SH3D21: variants seen among roughly 807,000 people sequenced by gnomAD.
SH3D21 encodes the protein SH3 domain-containing protein 21.
A neutral mutation model predicts 82.1 loss-of-function variants in SH3D21; 83 were observed. The observed-to-expected ratio is 1.01, with a 90% CI of 0.85 to 1.21. The LOEUF (loss-of-function observed/expected upper bound fraction) is 1.21, where lower values mean the gene tolerates loss of function less well. SH3D21 is among the 50% of genes most tolerant of loss of function. The pLI is 0.00. For synonymous variants in SH3D21, 383 were observed against 387.8 expected (o/e 0.99, Z 0.15); for missense variants, 980 against 962.1 (o/e 1.02, Z -0.25).
In SH3D21 at chr1:36,320,291, C is replaced by CA; in HGVS notation, c.1629dup (p.Glu544ArgfsTer13). Reference sequence around the variant, plus strand: ...GCACCCCCACCCCAGCCTCCTTCCTCAGAGAGGTGCCTGGGAGAGATGAAA... The same window carrying CA: ...GCACCCCCACCCCAGCCTCCTTCCTCAAGAGAGGTGCCTGGGAGAGATGAAA... On this transcript the variant is annotated frameshift_variant, in exon 14 of 16. Coordinates refer to ENST00000453908, the MANE Select transcript of SH3D21 (RefSeq NM_001162530.2). LOFTEE classifies it high-confidence loss of function. 3.7e-6 allele frequency: 6 copies of CA among 1,612,620 alleles called. No homozygotes were observed. The highest frequency in any genetic ancestry group is 5.1e-6 in the Non-Finnish European group (6 of 1,179,740).
chr1:36,308,552 G>C, intron 9 of SH3D21, 77 bp downstream of exon 9: 1 of 1,190,926 alleles, frequency 8.4e-7, no homozygotes, highest in African/African-American at 1.5e-5. Context: ...GGCACTCTCC[G>C]GACCTAGCTG....
chr1:36,315,365 G>A (rs186459321), intron 10 of SH3D21, among the ~76,000 whole-genome samples: 5 of 151,660 alleles, frequency 3.3e-5, no homozygotes, highest in Admixed American at 6.6e-5. Flanking sequence ...TTTCTTTTGC[G>A]GGGGGAAGGA....
downstream of SH3D21, chr1:36,322,330 C>T: frequency 1.3e-6 from 2 of 1,566,716 alleles, no homozygotes; most frequent in South Asian, 2.3e-5. Flanking sequence ...GTGCCCGTGG[C>T]CGTGGGGCTG....
intron 10 of SH3D21, among the ~76,000 whole-genome samples, chr1:36,309,999 G>C (rs1256781299): frequency 2.0e-5 from 3 of 152,046 alleles, no homozygotes; most frequent in Admixed American, 1.3e-4. Flanking sequence ...CTGTCGCCCA[G>C]ACTGGAGTGC....
At chr1:36,322,568 G>A (rs910186004), downstream of SH3D21, 2 of 1,588,330 alleles carry the variant, frequency 1.3e-6, no homozygotes, top group African/African-American at 1.3e-5. Flanking sequence ...CGTCGTCCTC[G>A]GGCTCCAGGG....
downstream of SH3D21, chr1:36,322,581 C>T: frequency 6.3e-7 from 1 of 1,578,694 alleles, no homozygotes; most frequent in Non-Finnish European, 8.6e-7. Context: ...CTCCAGGGTG[C>T]TGCTGCGGGG....
downstream of SH3D21, chr1:36,321,852 C>T: frequency 9.8e-7 from 1 of 1,022,836 alleles, no homozygotes; most frequent in Non-Finnish European, 1.2e-6. This position sits in a 1 kb window ranked among gnomAD's most constrained non-coding sequence, Gnocchi z 6.1. Context: ...GGCCTGTGGG[C>T]TTCTGCTTTT....
At chr1:36,310,927 G>A (rs1646227210) in intron 10 of SH3D21, among the ~76,000 whole-genome samples, 1 of 151,520 alleles carries the variant, frequency 6.6e-6, no homozygotes. Flanking sequence ...TTTTTTTATG[G>A]AGACAGAGTC....
At chr1:36,324,710 A>G (rs1355162867), downstream of SH3D21, 6 of 152,190 alleles carry the variant, frequency 3.9e-5, no homozygotes, top group Non-Finnish European at 5.9e-5. Flanking sequence ...ACTGACTCCT[A>G]TGGGGATGGA....
chr1:36,308,085 G>A (rs572157528), intron 7 of SH3D21, 24 bp from the exon 8 acceptor site: 6 of 1,545,370 alleles, frequency 3.9e-6, no homozygotes, highest in South Asian at 1.2e-5. Context: ...GGCTTCAGAG[G>A]ACAGTGGACT....
At position 36,321,250 on chromosome 1, in the gene SH3D21, T is replaced by A; in HGVS notation, c.*123T>A. On this transcript the variant is annotated 3_prime_UTR_variant, in exon 16 of 16. Coordinates refer to ENST00000453908, the MANE Select transcript of SH3D21 (RefSeq NM_001162530.2). This position sits in a 1 kb window ranked among gnomAD's most constrained non-coding sequence, Gnocchi z 6.1. ...CACGGCGCCACGCCGGTCTGGTCGC[T>A]GGGGGCGGGGCCTGCGCGGGGGCAG... 1 of 1,475,428 alleles carries A rather than the reference T, an allele frequency of 6.8e-7. No homozygotes were observed. Among genetic ancestry groups the A allele is most frequent in the Non-Finnish European group, 9.0e-7 (1 of 1,115,044 alleles). 91.4% of individuals were successfully genotyped at this position (1,475,428 alleles called of 1,614,324 possible). A position where few individuals can be genotyped will look rare whatever the true frequency, so the allele number is the denominator to read the frequency against.
At chr1:36,327,660 A>ATGGTTGC, downstream of SH3D21, 1 of 1,193,430 alleles carries the variant, frequency 8.4e-7, no homozygotes, top group Non-Finnish European at 1.1e-6. Context: ...GGTTGAGATG[A>ATGGTTGC]TGGTTGCTGG....
chr1:36,323,108 G>T, downstream of SH3D21: 1 of 1,529,666 alleles, frequency 6.5e-7, no homozygotes, highest in East Asian at 2.4e-5. Context: ...CCAGCCTGGA[G>T]CCCACCCCGA....
downstream of SH3D21, chr1:36,322,417 C>A: frequency 6.2e-7 from 1 of 1,602,110 alleles, no homozygotes; most frequent in Non-Finnish European, 8.5e-7. Flanking sequence ...TCGCGCTCCT[C>A]CAGCCGCTGC....
rs1286766785 is a variant in SH3D21 at position 36,307,327 on chromosome 1, G to A, written c.345+42G>A. On this transcript the variant is annotated intron_variant, in intron 4 of 15. Coordinates refer to ENST00000453908, the MANE Select transcript of SH3D21 (RefSeq NM_001162530.2). This position sits in a 1 kb window ranked among gnomAD's most constrained non-coding sequence, Gnocchi z 5.4. ...TGGGACCGTTTGGGGGAGGATGATGGAACGCGCCTCCCTAGTGAGCGGGGT... is the reference window on the plus strand; with the variant it reads ...TGGGACCGTTTGGGGGAGGATGATGAAACGCGCCTCCCTAGTGAGCGGGGT... 7 of 1,547,816 alleles carry A rather than the reference G, an allele frequency of 4.5e-6. No homozygotes were observed. The highest frequency in any genetic ancestry group is 5.2e-6 in the Non-Finnish European group (6 of 1,143,672).
chr1:36,322,080 C>A (rs1646472715), downstream of SH3D21: 1 of 1,355,042 alleles, frequency 7.4e-7, no homozygotes, highest in South Asian at 1.9e-5. Context: ...TCTTCATCGA[C>A]CCCAGAGAGG....
At chr1:36,322,743 G>A (rs887621770), downstream of SH3D21, 17 of 1,544,892 alleles carry the variant, frequency 1.1e-5, no homozygotes, top group East Asian at 1.2e-4. Context: ...GCACAGGGCG[G>A]GGGTCACGGA....
chr1:36,314,278 T>C (rs1646300835), intron 10 of SH3D21, among the ~76,000 whole-genome samples: 1 of 151,812 alleles, frequency 6.6e-6, no homozygotes, highest in African/African-American at 2.4e-5. Context: ...CCCGGCCCGA[T>C]GCTGAGCATA....
chr1:36,311,944 C>T (rs1382193731), intron 10 of SH3D21, among the ~76,000 whole-genome samples: 1 of 152,110 alleles, frequency 6.6e-6, no homozygotes, highest in Admixed American at 6.6e-5. Context: ...ATTCTCCTGT[C>T]TTGGCCTCCC....
Sources: gnomAD v4.1 joint callset for allele counts (sites outside exome capture counted in the v4.1 genomes callset) on GRCh38, gnomAD v4.1.1 for gene constraint, Gnocchi (gnomAD v3.1) non-coding constraint, MANE v1.5 for transcripts, NCBI Gene and HGNC (gene_info 2026-07-23, HGNC 2026-07-21) for gene names.